Variants in KANK1 observed in about 807,000 individuals in gnomAD.
KANK1 encodes KN motif and ankyrin repeat domains 1.
KANK1 carries 109 observed loss-of-function variants against 106.2 expected under a neutral mutation model. The ratio of observed to expected loss-of-function variants is 1.03; its 90% CI spans 0.88 to 1.20. The LOEUF (loss-of-function observed/expected upper bound fraction) is 1.20. Ranked by LOEUF, KANK1 falls within the 50% of genes most tolerant of loss-of-function variation. KANK1 has a pLI of 0.00. For missense variants in KANK1, 2,399 were observed against 1,710.7 expected, an observed-to-expected ratio of 1.40 and a Z score of -7.10; for synonymous variants, 873 against 652.2, an observed-to-expected ratio of 1.34 and a Z score of -5.16.
chr9:711,747 G>C lies in KANK1; in HGVS notation c.981G>C (p.Gly327=). 8.1e-6 allele frequency: 13 copies of C among 1,614,204 alleles called. No homozygotes were observed. The highest frequency in any genetic ancestry group is 9.3e-6 in the Non-Finnish European group (11 of 1,180,030). The change falls in exon 3 of 12, where the codon GGG becomes GGC. Residue 327 remains glycine, a synonymous_variant. Transcript: ENST00000382297. ...CGVRKRSYSA[G]NASQLEQLSR... is the part of the protein sequence containing the mutation. ...TGAGGAAGCGGTCCTATAGTGCGGG[G>C]AACGCCTCCCAGCTGGAACAGCTCT...
At chr9:581,646 A>G (rs145575750) in intron 1 of KANK1, among the ~76,000 whole-genome samples, 2 of 152,270 alleles carry the variant, frequency 1.3e-5, no homozygotes, top group Admixed American at 6.5e-5. Context: ...TTAAGCTTCT[A>G]CTGCTTTCAG....
chr9:685,799 G>GT, intron 2 of KANK1, among the ~76,000 whole-genome samples: 1 of 152,268 alleles, frequency 6.6e-6, no homozygotes. Flanking sequence ...TAGCTGTGTG[G>GT]CTTTCTGAAT....
chr9:720,881 T>C (rs560713611), intron 3 of KANK1, among the ~76,000 whole-genome samples: 31 of 152,368 alleles, frequency 2.0e-4, no homozygotes, highest in African/African-American at 7.0e-4. Flanking sequence ...GGCCCAGGGC[T>C]GTTAATTAAA....
chr9:699,334 T>A (rs906128100), intron 2 of KANK1, among the ~76,000 whole-genome samples: 2 of 152,248 alleles, frequency 1.3e-5, no homozygotes, highest in East Asian at 3.8e-4. Flanking sequence ...TTTGGCCTAT[T>A]GCAGGCACTT....
chr9:648,544 T>G (rs977776193), intron 1 of KANK1, among the ~76,000 whole-genome samples: 3 of 152,118 alleles, frequency 2.0e-5, no homozygotes, highest in African/African-American at 7.2e-5. Context: ...TATCCTAGGC[T>G]CTGAGCGCGA....
intron 1 of KANK1, among the ~76,000 whole-genome samples, chr9:556,459 C>T (rs1266549355): frequency 6.6e-6 from 1 of 152,110 alleles, no homozygotes; most frequent in African/African-American, 2.4e-5. Flanking sequence ...TGGAGTTAGC[C>T]ATGATCATTT....
intron 1 of KANK1, among the ~76,000 whole-genome samples, chr9:585,024 A>T (rs1005001970): frequency 6.6e-6 from 1 of 152,132 alleles, no homozygotes; most frequent in Admixed American, 6.5e-5. Context: ...TGTTAAACCC[A>T]GTGACATTTT....
chr9:557,139 C>T (rs1047852131), intron 1 of KANK1, among the ~76,000 whole-genome samples: 3 of 148,138 alleles, frequency 2.0e-5, no homozygotes, highest in African/African-American at 5.0e-5. Context: ...GATGAAATTG[C>T]GCCAGTGCAC....
intron 1 of KANK1, among the ~76,000 whole-genome samples, chr9:662,135 C>T (rs1447400140): frequency 1.3e-5 from 2 of 151,998 alleles, no homozygotes; most frequent in African/African-American, 4.8e-5. Context: ...TGAAGGACCT[C>T]TTCAAGGAGA....
intron 1 of KANK1, among the ~76,000 whole-genome samples, chr9:505,196 T>C (rs905796117): frequency 6.6e-6 from 1 of 152,082 alleles, no homozygotes; most frequent in Non-Finnish European, 1.5e-5. Context: ...CGGGGGACCC[T>C]CTCTGAAGCG....
chr9:608,960 C>G (rs1024470716), intron 1 of KANK1, among the ~76,000 whole-genome samples: 5 of 152,146 alleles, frequency 3.3e-5, no homozygotes, highest in African/African-American at 1.2e-4. Context: ...TGGGCGTATA[C>G]TCACGCTTGT....
chr9:675,463 A>G (rs4742222), intron 1 of KANK1, among the ~76,000 whole-genome samples: 60,981 of 151,964 alleles, frequency 0.4, 13,341 homozygotes, highest in East Asian at 0.64. Flanking sequence ...GTATTTTTCG[A>G]AAGGTATTTG....
At position 480,337 on chromosome 9, in the gene KANK1, G is replaced by C. The variant is rs183569965; in HGVS notation, c.-362+7064G>C. On this transcript the variant is annotated intron_variant, in intron 3 of 15. Transcript: ENST00000382303. ...TCCAGGATATCTGAAAATCTCACAT[G>C]TGAGTACAAAAGGCTAGGTGGACAC... Among the ~76,000 whole-genome samples the C allele has an allele frequency of 7.7e-4, 117 of 152,354 alleles. 1 individual carries two copies. In the East Asian group the frequency reaches 0.019, roughly 24 times the overall value.
chr9:676,000 G>C (rs1418183915), intron 1 of KANK1, among the ~76,000 whole-genome samples: 1 of 152,116 alleles, frequency 6.6e-6, no homozygotes, highest in African/African-American at 2.4e-5. Flanking sequence ...GCTGCTGGTG[G>C]GAATGTTTTT....
Position 553,630 on chromosome 9 carries a change from G to A in KANK1, c.-84+48876G>A, listed in dbSNP as rs142617259. Reference sequence around the variant, plus strand: ...GTAAATGTGAGCAATGTAATGAAGCGTTTCCTTATAAACTGTTGTAAGGAT... The same window carrying A: ...GTAAATGTGAGCAATGTAATGAAGCATTTCCTTATAAACTGTTGTAAGGAT... On this transcript the variant is annotated intron_variant, in intron 1 of 11. Coordinates refer to ENST00000382297, the MANE Select transcript of KANK1 (RefSeq NM_015158.5). 3.9e-3 allele frequency among the ~76,000 whole-genome samples: 595 copies of A among 152,268 alleles called. 6 individuals carry two copies. The highest frequency in any genetic ancestry group is 6.0e-3 in the Non-Finnish European group (405 of 68,016).
chr9:706,789 G>A lies in KANK1; in HGVS notation c.38-4015G>A, dbSNP rs565652149. The A allele has an allele frequency of 3.0e-6, 3 of 985,458 alleles. No homozygotes were observed. In the East Asian group the frequency reaches 3.4e-4, roughly 112 times the overall value. The allele number at this position is 985,458 out of a possible 1,614,324, so 61.0% of individuals were successfully genotyped here. A position where few individuals can be genotyped will look rare whatever the true frequency, so the allele number is the denominator to read the frequency against. ...AGTGCTGCCCGGATCCTGAGAACCC[G>A]CAGAGAACAGTGGGGCTGATTGTGC... On this transcript the variant is annotated intron_variant, in intron 2 of 11. Transcript: ENST00000382297.
chr9:626,504 T>C lies in KANK1; in HGVS notation c.-83-50386T>C, dbSNP rs969794671. On this transcript the variant is annotated intron_variant, in intron 1 of 11. Coordinates refer to ENST00000382297, the MANE Select transcript of KANK1 (RefSeq NM_015158.5). The stretch of plus-strand genomic sequence containing the variant: ...AGATACAAATATTCTGAATGCTCCT[T>C]TAGTCAGATTCTGTGTTTTCTGTTT... 3.0e-4 allele frequency among the ~76,000 whole-genome samples: 45 copies of C among 152,322 alleles called. 1 individual carries two copies. The highest frequency in any genetic ancestry group is 1.1e-3 in the African/African-American group (44 of 41,568).
intron 1 of KANK1, among the ~76,000 whole-genome samples, chr9:552,017 CT>C (rs1374781675): frequency 5.9e-5 from 9 of 152,146 alleles, no homozygotes; most frequent in Non-Finnish European, 1.3e-4. Flanking sequence ...GATCGCACCA[CT>C]GTATTCCAGC....
At chr9:540,770 T>A (rs928034284) in intron 1 of KANK1, 2 of 152,216 alleles carry the variant, frequency 1.3e-5, no homozygotes, top group African/African-American at 4.8e-5. Context: ...TTCTAGGAAT[T>A]TATCCATTTG....
Sources: allele counts gnomAD v4.1 joint callset (sites outside exome capture counted in the v4.1 genomes callset), GRCh38; gene constraint gnomAD v4.1.1; transcripts MANE v1.5; gene names NCBI Gene and HGNC (gene_info 2026-07-23, HGNC 2026-07-21).